NEURL4: variants seen among roughly 807,000 people sequenced by gnomAD.
The protein encoded by NEURL4 is neuralized E3 ubiquitin protein ligase 4.
A neutral mutation model predicts 148.0 loss-of-function variants in NEURL4; 45 were observed. The observed-to-expected ratio is 0.30, with a 90% CI of 0.24 to 0.39. The LOEUF is 0.39. Among genes scored for constraint, NEURL4 ranks in the 10% least tolerant of loss-of-function variants. The pLI, the probability that NEURL4 is intolerant of heterozygous loss-of-function variation, is 1.00. For missense variants in NEURL4, 1,776 were observed against 2,144.0 expected (o/e 0.83, Z 3.39); for synonymous variants, 854 against 869.0 (o/e 0.98, Z 0.30).
chr17:7,327,487 G>A lies in NEURL4; in HGVS notation c.680C>T (p.Pro227Leu). ...IPTPPLEPLAPTEDSALAEQG... is the reference protein window; with the variant it reads ...IPTPPLEPLALTEDSALAEQG... ...TTCAGCCAAGGCAGAGTCTTCAGTG[G>A]GGGCCAAGGGCTCGAGGGGAGGTGT... The change falls in exon 2 of 29, where the codon CCC becomes CTC. Residue 227 changes from proline (P) to leucine (L), a missense_variant. Coordinates refer to ENST00000399464, the MANE Select transcript of NEURL4 (RefSeq NM_032442.3). This position sits in a 1 kb window ranked among gnomAD's most constrained non-coding sequence, Gnocchi z 6.6. 2 of 1,580,206 alleles carry A rather than the reference G, an allele frequency of 1.3e-6. No individual in the cohort carries two copies. Among genetic ancestry groups the A allele is most frequent in the Non-Finnish European group, 1.7e-6 (2 of 1,160,970 alleles).
At position 7,324,678 on chromosome 17, in the gene NEURL4, C is replaced by A. The variant is rs1376254532; in HGVS notation, c.1813+121G>T. The A allele has an allele frequency of 1.7e-6, 2 of 1,190,574 alleles. No homozygotes were observed. The highest frequency in any genetic ancestry group is 3.0e-5 in the African/African-American group (2 of 66,548). The allele number at this position is 1,190,574 out of a possible 1,614,324, so 73.8% of individuals were successfully genotyped here. A position where few individuals can be genotyped will look rare whatever the true frequency, so the allele number is the denominator to read the frequency against. On this transcript the variant is annotated intron_variant, in intron 9 of 28. Coordinates refer to ENST00000399464, the MANE Select transcript of NEURL4 (RefSeq NM_032442.3). This position sits in a 1 kb window ranked among gnomAD's most constrained non-coding sequence, Gnocchi z 5.9. ...GCCCTGCCCACGGGACACTCTCTAG[C>A]CACTGAATGAGTGGTCACAAGAGTG...
rs781041326 is a variant in NEURL4 at position 7,316,366 on chromosome 17, C to T, written c.4485-39G>A. 1.5e-5 allele frequency: 23 copies of T among 1,520,146 alleles called. No individual in the cohort carries two copies. In the South Asian group the frequency reaches 1.9e-4, roughly 13 times the overall value. 94.2% of individuals were successfully genotyped at this position (1,520,146 alleles called of 1,614,324 possible). On this transcript the variant is annotated intron_variant, in intron 28 of 28. Transcript: ENST00000399464. ...AAAAATAAGGGAGTGAAGCCTCTCG[C>T]CCCATCACCTCCCCCTTGCAAAGTC...
chr17:7,319,712 A>AAC (rs2073003973), intron 21 of NEURL4, among the ~76,000 whole-genome samples: 3 of 105,796 alleles, frequency 2.8e-5, no homozygotes, highest in Non-Finnish European at 6.3e-5. Context: ...AAAAAAACAA[A>AAC]AAAACAAAAA....
rs767194830 is a variant in NEURL4, at chr17:7,318,599, C to A, written c.3760G>T (p.Gly1254Trp). The A allele has an allele frequency of 1.9e-6, 3 of 1,613,954 alleles. No homozygotes were observed. The highest frequency in any genetic ancestry group is 2.2e-5 in the East Asian group (1 of 44,896). ...TILGLRLDSS[G>W]GLHLHVNGVD... ...CCATTAACATGAAGATGCAGCCCCC[C>A]AGAGCTGTCCAGCCGCAGTCCCAGG... The change falls in exon 23 of 29, where the codon GGG (glycine) becomes TGG (tryptophan). Residue 1254 changes from glycine to tryptophan, a missense_variant. Transcript: ENST00000399464. This position sits in a 1 kb window ranked among gnomAD's most constrained non-coding sequence, Gnocchi z 4.3.
At position 7,323,478 on chromosome 17, in the gene NEURL4, G is replaced by C. The variant is rs761839616; in HGVS notation, c.2417+7C>G. 1 of 1,614,132 alleles carries C rather than the reference G, an allele frequency of 6.2e-7. No individual in the cohort carries two copies. The highest frequency in any genetic ancestry group is 8.5e-7 in the Non-Finnish European group (1 of 1,179,966). ...CCCAAGCTGGTCCCCAAAGCAGGAA[G>C]CCCAACCTCAGCATCCATGTGTCAT... On this transcript the variant is annotated splice_region_variant and intron_variant, in intron 14 of 28. Coordinates refer to ENST00000399464, the MANE Select transcript of NEURL4 (RefSeq NM_032442.3).
At position 7,321,996 on chromosome 17, in the gene NEURL4, G is replaced by A; in HGVS notation, c.2740C>T (p.His914Tyr). The change falls in exon 17 of 29, where the codon CAC (histidine) becomes TAC (tyrosine). Residue 914 changes from histidine (H) to tyrosine (Y), a missense_variant. Transcript: ENST00000399464. This position sits in a 1 kb window ranked among gnomAD's most constrained non-coding sequence, Gnocchi z 6.3. ...TTGCCGCAAGTACTGTGGAATCGGT[G>A]AGCCACGCCAGCCACTGTGAAGAGA... is the stretch of plus-strand genomic sequence containing the variant. ...PLHSPVAGVA[H>Y]RFHSTCGKNV... The A allele has an allele frequency of 1.2e-6, 2 of 1,607,798 alleles. No individual in the cohort carries two copies. The highest frequency in any genetic ancestry group is 2.2e-5 in the East Asian group (1 of 44,864).
chr17:7,322,599 G>T lies in NEURL4; in HGVS notation c.2725+136C>A. ...TCCCCCTCACTGGCTGCTTGCCACC[G>T]TGGGCTGTCCCTTCCCTGGAGCCGG... On this transcript the variant is annotated intron_variant, in intron 16 of 28. Transcript: ENST00000399464. This position sits in a 1 kb window ranked among gnomAD's most constrained non-coding sequence, Gnocchi z 5.5. 8.7e-7 allele frequency: 1 copy of T among 1,154,004 alleles called. No individual in the cohort carries two copies. 71.5% of individuals were successfully genotyped at this position (1,154,004 alleles called of 1,614,324 possible). A position where few individuals can be genotyped will look rare whatever the true frequency, so the allele number is the denominator to read the frequency against.
chr17:7,322,689 A>G lies in NEURL4; in HGVS notation c.2725+46T>C, dbSNP rs769859748. 6.3e-7 allele frequency: 1 copy of G among 1,595,998 alleles called. No homozygotes were observed. Among genetic ancestry groups the G allele is most frequent in the Non-Finnish European group, 8.5e-7 (1 of 1,173,982 alleles). The stretch of plus-strand genomic sequence containing the variant: ...CCTGGAAACCCTACTCCTCAGGTGC[A>G]CAGCAGGCAAGCAGAGCCCGTCCAG... On this transcript the variant is annotated intron_variant, in intron 16 of 28. Coordinates refer to ENST00000399464, the MANE Select transcript of NEURL4 (RefSeq NM_032442.3). This position sits in a 1 kb window ranked among gnomAD's most constrained non-coding sequence, Gnocchi z 5.5.
Position 7,327,669 on chromosome 17 carries a change from A to C in NEURL4, c.498T>G (p.Ala166=), listed in dbSNP as rs767963256. ...GDRVGVERTV[A]GELRLWVNGR... ...CATTCACCCAGAGCCGAAGCTCCCC[A>C]GCAACTGTGCGCTCCACGCCCACGC... The change falls in exon 2 of 29, where the codon GCT becomes GCG. Residue 166 remains alanine (A), a synonymous_variant. Coordinates refer to ENST00000399464, the MANE Select transcript of NEURL4 (RefSeq NM_032442.3). This position sits in a 1 kb window ranked among gnomAD's most constrained non-coding sequence, Gnocchi z 6.6. 3.1e-6 allele frequency: 5 copies of C among 1,613,962 alleles called. No individual in the cohort carries two copies. The South Asian group carries it at 5.5e-5, about 18-fold the overall frequency.
chr17:7,328,881 T>C (rs1229626769), intron 1 of NEURL4, 150 bp downstream of exon 1: 2 of 644,406 alleles, frequency 3.1e-6, no homozygotes, highest in African/African-American at 3.8e-5. Context: ...TGCTTCATGC[T>C]GTCTTCCTGA....
At position 7,323,537 on chromosome 17, in the gene NEURL4, G is replaced by A; in HGVS notation, c.2365C>T (p.Leu789=). ...TCTGTCATGGTGTTGGGGAATTCCAGGTCTTCAGGCCGAATAGCAGTCACT... is the reference window on the plus strand; with the variant it reads ...TCTGTCATGGTGTTGGGGAATTCCAAGTCTTCAGGCCGAATAGCAGTCACT... The part of the protein sequence containing the change: ...AGVTAIRPED[L]EFPNTMTDID... The change falls in exon 14 of 29, where the codon CTG becomes TTG. Residue 789 remains leucine (L), a synonymous_variant. Transcript: ENST00000399464. 1 of 1,614,210 alleles carries A rather than the reference G, an allele frequency of 6.2e-7. No homozygotes were observed. The highest frequency in any genetic ancestry group is 2.2e-5 in the East Asian group (1 of 44,886).
In NEURL4 at chr17:7,318,259, G is replaced by A. The variant is rs943095866; in HGVS notation, c.3952+10C>T. ...AGGGGCAGGAGCTGGGTCCCTTTGG[G>A]CTGGCACACCGTCCACCATGTCTGC... On this transcript the variant is annotated intron_variant, in intron 24 of 28. Coordinates refer to ENST00000399464, the MANE Select transcript of NEURL4 (RefSeq NM_032442.3). This position sits in a 1 kb window ranked among gnomAD's most constrained non-coding sequence, Gnocchi z 4.3. 3 of 1,613,786 alleles carry A rather than the reference G, an allele frequency of 1.9e-6. No homozygotes were observed. The highest frequency in any genetic ancestry group is 2.5e-6 in the Non-Finnish European group (3 of 1,179,802).
intron 8 of NEURL4, 102 bp downstream of exon 8, chr17:7,325,107 G>T: frequency 6.6e-7 from 1 of 1,517,384 alleles, no homozygotes; most frequent in Non-Finnish European, 8.9e-7. Flanking sequence ...CCTCCAGGAA[G>T]CTGCCCCCGC....
In NEURL4 at chr17:7,323,655, A is replaced by C; in HGVS notation, c.2330T>G (p.Ile777Ser). The part of the protein sequence containing the change: ...QKMVDRWSGS[I>S]EAGVTAIRPE... ...ACACAGACGGCCCTCACCAGCCTCA[A>C]TGGAGCCTGACCAGCGGTCCACCAT... is the stretch of plus-strand genomic sequence containing the variant. The change falls in exon 13 of 29, where the codon ATT (isoleucine) becomes AGT (serine). Residue 777 changes from isoleucine (I) to serine (S), a missense_variant. Physicochemically the swap from Ile to Ser is moderately radical, Grantham distance 142 (BLOSUM62 -2). Coordinates refer to ENST00000399464, the MANE Select transcript of NEURL4 (RefSeq NM_032442.3). The C allele has an allele frequency of 6.2e-7, 1 of 1,613,566 alleles. No homozygotes were observed. Among genetic ancestry groups the C allele is most frequent in the Admixed American group, 1.7e-5 (1 of 59,890 alleles).
At position 7,327,843 on chromosome 17, in the gene NEURL4, C is replaced by T. The variant is rs58277032; in HGVS notation, c.324G>A (p.Ala108=). ...GAAAGTCCAGCACACTGGGGTCCAG[C>T]GCTGTCACCCCAATCTCAATGGAGC... ...WSGSIEIGVT[A]LDPSVLDFPS... The change falls in exon 2 of 29, where the codon GCG becomes GCA. Residue 108 remains alanine, a synonymous_variant. Coordinates refer to ENST00000399464, the MANE Select transcript of NEURL4 (RefSeq NM_032442.3). This position sits in a 1 kb window ranked among gnomAD's most constrained non-coding sequence, Gnocchi z 6.6. 10,867 of 1,613,228 alleles carry T rather than the reference C, an allele frequency of 6.7e-3. 627 individuals are homozygous for T. The African/African-American group carries it at 0.13, about 19-fold the overall frequency.
Position 7,327,355 on chromosome 17 carries a change from C to G in NEURL4, c.727+85G>C. 6.9e-7 allele frequency: 1 copy of G among 1,447,028 alleles called. No individual in the cohort carries two copies. The allele number at this position is 1,447,028 out of a possible 1,614,324, so 89.6% of individuals were successfully genotyped here. ...TCAACAGACTTGGGGATCAGGGTGG[C>G]CCTGCCCACACCCAGCCTGTCTTGT... is the stretch of plus-strand genomic sequence containing the variant. On this transcript the variant is annotated intron_variant, in intron 2 of 28. Transcript: ENST00000399464. This position sits in a 1 kb window ranked among gnomAD's most constrained non-coding sequence, Gnocchi z 6.6.
chr17:7,319,260 C>A, intron 21 of NEURL4, 52 bp from the exon 22 acceptor site: 2 of 1,514,164 alleles, frequency 1.3e-6, no homozygotes, highest in Non-Finnish European at 1.8e-6. Context: ...AAGAACCAGG[C>A]TCCGCACCCC....
chr17:7,320,267 G>A (rs2073013206), intron 21 of NEURL4, among the ~76,000 whole-genome samples: 1 of 151,978 alleles, frequency 6.6e-6, no homozygotes, highest in Non-Finnish European at 1.5e-5. Flanking sequence ...CGAGTAGCTG[G>A]GATTACAGGC....
chr17:7,322,660 C>A lies in NEURL4; in HGVS notation c.2725+75G>T. ...AGCCAACCGTCTTTGCAGAACCTCT[C>A]TAACCTGGAAACCCTACTCCTCAGG... On this transcript the variant is annotated intron_variant, in intron 16 of 28. Coordinates refer to ENST00000399464, the MANE Select transcript of NEURL4 (RefSeq NM_032442.3). This position sits in a 1 kb window ranked among gnomAD's most constrained non-coding sequence, Gnocchi z 5.5. 1 of 1,566,334 alleles carries A rather than the reference C, an allele frequency of 6.4e-7. No homozygotes were observed. Among genetic ancestry groups the A allele is most frequent in the South Asian group, 1.1e-5 (1 of 88,518 alleles).
Sources: allele counts gnomAD v4.1 joint callset (sites outside exome capture counted in the v4.1 genomes callset), GRCh38; gene constraint gnomAD v4.1.1; non-coding constraint Gnocchi (gnomAD v3.1); transcripts MANE v1.5; gene names NCBI Gene and HGNC (gene_info 2026-07-23, HGNC 2026-07-21).